BTLA: variants seen among roughly 807,000 people sequenced by gnomAD.
BTLA encodes B- and T-lymphocyte attenuator.
A neutral mutation model predicts 25.0 loss-of-function variants in BTLA; 11 were observed. The ratio of observed to expected loss-of-function variants is 0.44; its 90% CI spans 0.28 to 0.73. BTLA has a LOEUF of 0.73. Ranked by LOEUF, BTLA falls within the 30% of genes least tolerant of loss-of-function variation. The pLI, the probability that BTLA is intolerant of heterozygous loss-of-function variation, is 0.15. For missense variants in BTLA, 282 were observed against 332.8 expected (o/e 0.85, Z 1.19); for synonymous variants, 104 against 119.8 (o/e 0.87, Z 0.86).
chr3:112,478,209 A>T (rs749952758), intron 2 of BTLA, among the ~76,000 whole-genome samples: 1 of 152,074 alleles, frequency 6.6e-6, no homozygotes, highest in Non-Finnish European at 1.5e-5. Context: ...TCTGTAGATC[A>T]CCTTGGGGAA....
Position 112,465,216 on chromosome 3 carries a change from C to G in BTLA, c.*892G>C, listed in dbSNP as rs750056987. On this transcript the variant is annotated 3_prime_UTR_variant, in exon 5 of 5. Coordinates refer to ENST00000334529, the MANE Select transcript of BTLA (RefSeq NM_181780.4). ...CCAATTAAATATTCTGGGTTTTCCT[C>G]CATTCCATTAATTGCACTTTAACTT... 4 of 152,654 alleles carry G rather than the reference C, an allele frequency of 2.6e-5. No individual in the cohort carries two copies. Among genetic ancestry groups the G allele is most frequent in the Admixed American group, 1.3e-4 (2 of 15,276 alleles). 9.5% of individuals were successfully genotyped at this position (152,654 alleles called of 1,614,324 possible).
intron 1 of BTLA, among the ~76,000 whole-genome samples, chr3:112,490,451 T>C (rs569520306): frequency 7.0e-4 from 107 of 152,310 alleles, no homozygotes; most frequent in African/African-American, 2.5e-3. Flanking sequence ...TATTTACATA[T>C]GTCTTTCCTG....
chr3:112,490,112 A>T (rs1473123804), intron 1 of BTLA, among the ~76,000 whole-genome samples: 1 of 152,106 alleles, frequency 6.6e-6, no homozygotes, highest in Non-Finnish European at 1.5e-5. Context: ...GCTCACATAC[A>T]CTCACAAAAT....
In BTLA at chr3:112,479,095, A is replaced by C. The variant is rs140922468; in HGVS notation, c.403+360T>G. ...GAAAAATGGGAAAAAGAGAAAAAAA[A>C]AACAACAAAGAAGGACAAGCAATCA... On this transcript the variant is annotated intron_variant, in intron 2 of 4. Transcript: ENST00000334529. Among the ~76,000 whole-genome samples, 328 of 152,270 alleles carry C rather than the reference A, an allele frequency of 2.2e-3. 1 individual carries two copies. The highest frequency in any genetic ancestry group is 7.3e-3 in the African/African-American group (305 of 41,558).
chr3:112,464,388 T>C lies in BTLA; in HGVS notation c.*1720A>G, dbSNP rs2082213792. On this transcript the variant is annotated 3_prime_UTR_variant, in exon 5 of 5. Transcript: ENST00000334529. ...GACAGCTAAATGTATCCTCCCCATA[T>C]TTCCTGTTTCTATTTTTAAGAATAC... is the stretch of plus-strand genomic sequence containing the variant. 2 of 369,698 alleles carry C rather than the reference T, an allele frequency of 5.4e-6. No individual in the cohort carries two copies. The highest frequency in any genetic ancestry group is 3.0e-4 in the South Asian group (2 of 6,746). 22.9% of individuals were successfully genotyped at this position (369,698 alleles called of 1,614,324 possible).
rs1168614844 is a variant in BTLA at position 112,466,156 on chromosome 3, A to G, written c.822T>C (p.Asn274=). Residue 274 remains asparagine, a synonymous_variant, in exon 5 of 5, where the codon AAT becomes AAC. Transcript: ENST00000334529. The part of the protein sequence containing the change: ...VIGPNSRLAR[N]VKEAPTEYAS... ...CATATTCTGTTGGTGCTTCTTTTAC[A>G]TTTCTTGCCAGTCTTGAGTTCGGTC... The G allele has an allele frequency of 6.2e-7, 1 of 1,610,156 alleles. No homozygotes were observed. Among genetic ancestry groups the G allele is most frequent in the Non-Finnish European group, 8.5e-7 (1 of 1,176,964 alleles).
chr3:112,477,658 G>C (rs2633561), intron 2 of BTLA, among the ~76,000 whole-genome samples: 1 of 151,970 alleles, frequency 6.6e-6, no homozygotes, highest in Non-Finnish European at 1.5e-5. Flanking sequence ...TCATAGCTAA[G>C]AAAACACTGC....
intron 3 of BTLA, chr3:112,470,551 C>T (rs1195884535): frequency 6.6e-6 from 1 of 152,216 alleles, no homozygotes; most frequent in Admixed American, 6.5e-5. Context: ...GATCAGAATT[C>T]TCTATGCTTT....
Position 112,466,266 on chromosome 3 carries a change from C to T in BTLA, c.712G>A (p.Glu238Lys). 1 of 1,614,082 alleles carries T rather than the reference C, an allele frequency of 6.2e-7. No individual in the cohort carries two copies. The stretch of plus-strand genomic sequence containing the variant: ...GGATTAGAATAAACTTCAGACCCTT[C>T]CTGCATCCTGAAACAAAGGTCAGGG... The part of the protein sequence containing the change: ...NDPDLCFRMQ[E>K]GSEVYSNPCL... The change falls in exon 5 of 5, where the codon GAA (glutamate) becomes AAA (lysine). Residue 238 changes from glutamate to lysine, a missense_variant. Around this residue, in one of 2 missense-constraint regions of BTLA, gnomAD observed 119 missense variants for 102.3 expected, o/e 1.16. Transcript: ENST00000334529.
chr3:112,471,833 A>T (rs181171230), intron 2 of BTLA, among the ~76,000 whole-genome samples: 250 of 152,284 alleles, frequency 1.6e-3, no homozygotes, highest in Non-Finnish European at 2.8e-3. Flanking sequence ...CTCGTAACTT[A>T]TCAGAATCTC....
intron 1 of BTLA, 66 bp downstream of exon 1, chr3:112,499,205 G>C: frequency 8.8e-7 from 1 of 1,138,560 alleles, no homozygotes. Context: ...AGTTCAGCAA[G>C]GGAGAATGTT....
At chr3:112,498,590 T>TC (rs2082423490) in intron 1 of BTLA, among the ~76,000 whole-genome samples, 1 of 149,082 alleles carries the variant, frequency 6.7e-6, no homozygotes, top group African/African-American at 2.5e-5. Flanking sequence ...TTTTTTTTTT[T>TC]TGCCTGTATA....
chr3:112,486,089 C>T (rs985134703), intron 1 of BTLA, among the ~76,000 whole-genome samples: 6 of 152,212 alleles, frequency 3.9e-5, no homozygotes, highest in Admixed American at 1.3e-4. Context: ...TGCACTCCAG[C>T]CTGGGTGACA....
At chr3:112,476,147 G>A (rs1007263836) in intron 2 of BTLA, among the ~76,000 whole-genome samples, 2 of 152,206 alleles carry the variant, frequency 1.3e-5, no homozygotes, top group Middle Eastern at 3.2e-3. Context: ...TTAAGACACA[G>A]CTTCCATCCT....
chr3:112,497,241 C>T (rs2082414096), intron 1 of BTLA, among the ~76,000 whole-genome samples: 1 of 152,142 alleles, frequency 6.6e-6, no homozygotes, highest in Non-Finnish European at 1.5e-5. Flanking sequence ...TAAATACGTG[C>T]ACTTACTATG....
At chr3:112,489,285 A>G (rs755984693) in intron 1 of BTLA, among the ~76,000 whole-genome samples, 7 of 152,192 alleles carry the variant, frequency 4.6e-5, no homozygotes, top group Non-Finnish European at 1.0e-4. Context: ...ATAGTCTCGT[A>G]ACTCCCAGCT....
chr3:112,467,223 G>C (rs1354551596), intron 4 of BTLA, among the ~76,000 whole-genome samples: 1 of 152,166 alleles, frequency 6.6e-6, no homozygotes, highest in African/African-American at 2.4e-5. Flanking sequence ...GCCTCCCAAA[G>C]TGCGAGGATT....
chr3:112,491,873 C>T (rs142259856), intron 1 of BTLA, among the ~76,000 whole-genome samples: 7 of 152,090 alleles, frequency 4.6e-5, no homozygotes, highest in Non-Finnish European at 1.0e-4. Flanking sequence ...CTAGTATATA[C>T]ACCAGGCAAA....
intron 1 of BTLA, among the ~76,000 whole-genome samples, chr3:112,483,660 A>G (rs2082330347): frequency 6.6e-6 from 1 of 151,996 alleles, no homozygotes; most frequent in Middle Eastern, 3.2e-3. Flanking sequence ...AGAGTGTTAT[A>G]TAACACTGTA....
Sources: allele counts gnomAD v4.1 joint callset (sites outside exome capture counted in the v4.1 genomes callset), GRCh38; gene constraint gnomAD v4.1.1; regional missense constraint gnomAD v4.1.1; transcripts MANE v1.5; gene names NCBI Gene and HGNC (gene_info 2026-07-23, HGNC 2026-07-21).